Variants in RABGAP1L observed in about 807,000 individuals in gnomAD.
RABGAP1L encodes RAB GTPase activating protein 1 like, also known as rab GTPase-activating protein 1-like.
Under a neutral mutation model 137.7 loss-of-function variants are expected in RABGAP1L, and 63 were observed. That is an observed-to-expected ratio of 0.46 (90% CI 0.37 to 0.56). The LOEUF is 0.56. Ranked by LOEUF, RABGAP1L falls within the 20% of genes least tolerant of loss-of-function variation. RABGAP1L has a pLI of 0.00. For synonymous variants in RABGAP1L, 431 were observed against 433.7 expected (o/e 0.99, Z 0.08); for missense variants, 1,095 against 1,244.0 (o/e 0.88, Z 1.80).
intron 13 of RABGAP1L, among the ~76,000 whole-genome samples, chr1:174,512,238 C>T (rs551241856): frequency 7.8e-4 from 119 of 152,270 alleles, no homozygotes; most frequent in Admixed American, 1.7e-3. Flanking sequence ...ATCTGGGACA[C>T]AACATTTCTA....
chr1:174,375,269 A>G (rs1002142974), intron 12 of RABGAP1L, among the ~76,000 whole-genome samples: 1 of 151,958 alleles, frequency 6.6e-6, no homozygotes, highest in Admixed American at 6.6e-5. Flanking sequence ...ATGGCATATT[A>G]TACTAGAAAA....
intron 11 of RABGAP1L, among the ~76,000 whole-genome samples, chr1:174,349,912 AC>A (rs556375925): frequency 0.23 from 14,335 of 63,314 alleles, 757 homozygotes; most frequent in Admixed American, 0.31. Flanking sequence ...TGGGGGGCTG[AC>A]CCCCCCCCAC....
intron 4 of RABGAP1L, among the ~76,000 whole-genome samples, chr1:174,239,444 A>C (rs1233992150): frequency 6.6e-6 from 1 of 152,086 alleles, no homozygotes; most frequent in Admixed American, 6.5e-5. Flanking sequence ...TATTATCTTT[A>C]TACTCCCTAA....
At chr1:174,716,373 C>T (rs555747931) in intron 17 of RABGAP1L, among the ~76,000 whole-genome samples, 3 of 152,264 alleles carry the variant, frequency 2.0e-5, no homozygotes, top group African/African-American at 7.2e-5. Context: ...CCTTGAAATC[C>T]TGGGCTCAGG....
chr1:174,349,858 CG>C (rs1682923522), intron 11 of RABGAP1L, among the ~76,000 whole-genome samples: 2 of 96,234 alleles, frequency 2.1e-5, no homozygotes, highest in African/African-American at 4.0e-5. Flanking sequence ...CCGGGCGGGG[CG>C]CTGACCCCCC....
chr1:174,585,814 CA>C (rs1359378835), intron 13 of RABGAP1L, among the ~76,000 whole-genome samples: 1 of 151,940 alleles, frequency 6.6e-6, no homozygotes, highest in Non-Finnish European at 1.5e-5. Flanking sequence ...TGATTGCAGG[CA>C]AAAAGATAGA....
chr1:174,873,510 ATTT>A (rs11339447), intron 19 of RABGAP1L, among the ~76,000 whole-genome samples: 18 of 135,968 alleles, frequency 1.3e-4, no homozygotes, highest in African/African-American at 3.8e-4. Flanking sequence ...AGTTGAGATA[ATTT>A]TTTTTTTTTT....
intron 18 of RABGAP1L, among the ~76,000 whole-genome samples, chr1:174,767,172 C>T (rs375641845): frequency 1.3e-5 from 2 of 152,116 alleles, no homozygotes; most frequent in African/African-American, 4.8e-5. Flanking sequence ...AGCTGTTCTC[C>T]GACCACCTTG....
At chr1:174,614,695 C>T (rs957315919) in intron 13 of RABGAP1L, among the ~76,000 whole-genome samples, 142 of 152,290 alleles carry the variant, frequency 9.3e-4, no homozygotes, top group African/African-American at 3.0e-3. Context: ...TTCCATTCTC[C>T]CCGTCACTTT....
At chr1:174,850,064 A>G in intron 19 of RABGAP1L, 1 of 545,090 alleles carries the variant, frequency 1.8e-6, no homozygotes, top group African/African-American at 1.9e-5. Flanking sequence ...GGCTGTTGGT[A>G]GAGGGGTGTC....
At chr1:174,842,577 T>C (rs1693532945) in intron 19 of RABGAP1L, among the ~76,000 whole-genome samples, 1 of 152,172 alleles carries the variant, frequency 6.6e-6, no homozygotes, top group South Asian at 2.1e-4. Context: ...GTATGCTCAT[T>C]TTATAGAAGA....
intron 13 of RABGAP1L, among the ~76,000 whole-genome samples, chr1:174,523,085 T>C (rs996727750): frequency 6.6e-6 from 1 of 152,162 alleles, no homozygotes; most frequent in Non-Finnish European, 1.5e-5. Flanking sequence ...CCTCAGCATA[T>C]TGGTAATCAA....
intron 19 of RABGAP1L, among the ~76,000 whole-genome samples, chr1:174,833,449 G>GAGATATATAT (rs1553259972): frequency 1.1e-4 from 3 of 27,828 alleles, no homozygotes; most frequent in Non-Finnish European, 3.3e-4. Context: ...TGTGTGTAGA[G>GAGATATATAT]ATATATATAT....
At position 174,702,107 on chromosome 1, in the gene RABGAP1L, T is replaced by A; in HGVS notation, c.2026-6T>A. 1 of 1,605,456 alleles carries A rather than the reference T, an allele frequency of 6.2e-7. No individual in the cohort carries two copies. The highest frequency in any genetic ancestry group is 8.5e-7 in the Non-Finnish European group (1 of 1,177,280). On this transcript the variant is annotated splice_region_variant and splice_polypyrimidine_tract_variant and intron_variant, in intron 16 of 25. Transcript: ENST00000681986. ...TTGCTCCTAAATTTTCCACTTTGAC[T>A]TTTAGGAACAGCTACCGGACCTGCA...
intron 14 of RABGAP1L, among the ~76,000 whole-genome samples, chr1:174,675,029 T>G (rs1341171040): frequency 1.6e-4 from 25 of 151,944 alleles, no homozygotes; most frequent in Admixed American, 2.6e-4. Flanking sequence ...TTTCTCCCAT[T>G]TTGTAGGTTG....
At chr1:174,359,516 C>A (rs1429637304) in intron 11 of RABGAP1L, among the ~76,000 whole-genome samples, 1 of 152,154 alleles carries the variant, frequency 6.6e-6, no homozygotes, top group African/African-American at 2.4e-5. Flanking sequence ...TTAAATCTTG[C>A]CCCCAATTTA....
At chr1:174,529,582 G>A (rs10912805) in intron 13 of RABGAP1L, among the ~76,000 whole-genome samples, 3 of 152,168 alleles carry the variant, frequency 2.0e-5, no homozygotes, top group East Asian at 3.9e-4. Flanking sequence ...GCATACACCA[G>A]CACTGATGTT....
At chr1:174,826,394 G>A (rs1448461906) in intron 19 of RABGAP1L, among the ~76,000 whole-genome samples, 1 of 152,010 alleles carries the variant, frequency 6.6e-6, no homozygotes, top group Non-Finnish European at 1.5e-5. Context: ...GCTAATTTTT[G>A]TATTATTAGT....
intron 4 of RABGAP1L, among the ~76,000 whole-genome samples, chr1:174,234,782 G>A (rs1439218957): frequency 4.0e-5 from 6 of 149,328 alleles, no homozygotes; most frequent in South Asian, 2.1e-4. Flanking sequence ...ACTTTAAAGT[G>A]GTTTTTTCCA....
Sources: gnomAD v4.1 joint callset for allele counts (sites outside exome capture counted in the v4.1 genomes callset) on GRCh38, gnomAD v4.1.1 for gene constraint, MANE v1.5 for transcripts, NCBI Gene and HGNC (gene_info 2026-07-23, HGNC 2026-07-21) for gene names.